GALNT13: variants seen among roughly 807,000 people sequenced by gnomAD.
GALNT13 encodes the protein polypeptide N-acetylgalactosaminyltransferase 13.
A neutral mutation model predicts 64.2 loss-of-function variants in GALNT13; 28 were observed. The ratio of observed to expected loss-of-function variants is 0.44; its 90% confidence interval spans 0.32 to 0.60. The LOEUF (loss-of-function observed/expected upper bound fraction) is 0.60, where lower values mean the gene tolerates loss of function less well. GALNT13 is among the 20% of genes least tolerant of loss of function. The pLI is 0.05. For missense variants in GALNT13, 577 were observed against 669.8 expected, an observed-to-expected ratio of 0.86 and a Z score of 1.53; for synonymous variants, 214 against 224.6, an observed-to-expected ratio of 0.95 and a Z score of 0.42.
At chr2:153,523,043 A>ATTTTTTTT in the GALNT13 span, among the ~76,000 whole-genome samples, 103 of 83,356 alleles carry the variant, frequency 1.2e-3, no homozygotes, top group East Asian at 2.9e-3. Context: ...TGTGTTTACT[A>ATTTTTTTT]TTTTTTTTTT....
At chr2:153,211,300 G>T in the GALNT13 span, among the ~76,000 whole-genome samples, 3 of 151,784 alleles carry the variant, frequency 2.0e-5, no homozygotes, top group Non-Finnish European at 4.4e-5. Context: ...GCACCACCAT[G>T]CCCAACTAAT....
the GALNT13 span, among the ~76,000 whole-genome samples, chr2:153,701,393 T>C: frequency 6.6e-6 from 1 of 152,122 alleles, no homozygotes; most frequent in Non-Finnish European, 1.5e-5. Context: ...ATAAAAACCC[T>C]AGAAGAAAAC....
the GALNT13 span, among the ~76,000 whole-genome samples, chr2:153,751,598 T>C: frequency 6.6e-6 from 1 of 151,958 alleles, no homozygotes; most frequent in Non-Finnish European, 1.5e-5. Flanking sequence ...TCTCTCTTCT[T>C]ACAGTTTTTG....
At chr2:153,101,675 C>T in the GALNT13 span, among the ~76,000 whole-genome samples, 1 of 152,190 alleles carries the variant, frequency 6.6e-6, no homozygotes, top group African/African-American at 2.4e-5. Flanking sequence ...ATTGACCTAC[C>T]TGGCTATCCG....
the GALNT13 span, among the ~76,000 whole-genome samples, chr2:153,084,179 C>T: frequency 2.2e-4 from 33 of 152,114 alleles, no homozygotes; most frequent in African/African-American, 6.5e-4. Context: ...GTGATACCTC[C>T]GGACTTGTTC....
chr2:153,786,989 G>A, the GALNT13 span, among the ~76,000 whole-genome samples: 5 of 152,198 alleles, frequency 3.3e-5, no homozygotes, highest in African/African-American at 1.2e-4. Context: ...CACGCTGAGT[G>A]GTTGCTAACC....
chr2:153,488,772 A>C, the GALNT13 span, among the ~76,000 whole-genome samples: 1 of 152,154 alleles, frequency 6.6e-6, no homozygotes, highest in Non-Finnish European at 1.5e-5. Flanking sequence ...TCCCCTCCAA[A>C]ATTCAGGTGT....
chr2:153,440,043 G>T, the GALNT13 span, among the ~76,000 whole-genome samples: 1 of 152,100 alleles, frequency 6.6e-6, no homozygotes, highest in Non-Finnish European at 1.5e-5. Flanking sequence ...ATGGTGGTTT[G>T]CTGCACCCAT....
chr2:153,257,301 C>A, the GALNT13 span, among the ~76,000 whole-genome samples: 1 of 152,122 alleles, frequency 6.6e-6, no homozygotes, highest in Non-Finnish European at 1.5e-5. Context: ...ATGCCTCGCC[C>A]TGCTTCGGCT....
the GALNT13 span, among the ~76,000 whole-genome samples, chr2:153,514,718 T>G: frequency 6.6e-6 from 1 of 152,164 alleles, no homozygotes; most frequent in Admixed American, 6.5e-5. Context: ...TATGGATTTT[T>G]CAAGGGGTGG....
chr2:153,840,160 TAAAC>T, the GALNT13 span, among the ~76,000 whole-genome samples: 4 of 152,060 alleles, frequency 2.6e-5, no homozygotes, highest in Non-Finnish European at 4.4e-5. Flanking sequence ...AATAGAAAAA[TAAAC>T]AAACTAACAC....
At chr2:154,155,159 C>G (rs1161449594) in intron 4 of GALNT13, among the ~76,000 whole-genome samples, 1 of 151,860 alleles carries the variant, frequency 6.6e-6, no homozygotes, top group Non-Finnish European at 1.5e-5. Flanking sequence ...AAGATGTGTA[C>G]CAGAGATCAG....
chr2:153,220,013 C>T, the GALNT13 span, among the ~76,000 whole-genome samples: 8 of 152,336 alleles, frequency 5.3e-5, no homozygotes, highest in Middle Eastern at 6.8e-3. Context: ...TTCATCCTCG[C>T]TTTTCTTGAC....
At chr2:153,984,029 C>A (rs1694635889) in intron 3 of GALNT13, among the ~76,000 whole-genome samples, 1 of 151,588 alleles carries the variant, frequency 6.6e-6, no homozygotes, top group Non-Finnish European at 1.5e-5. Context: ...ATTTTAAAGT[C>A]TCTTTCTATA....
intron 8 of GALNT13, among the ~76,000 whole-genome samples, chr2:154,289,172 C>T (rs1301138189): frequency 6.6e-6 from 1 of 152,204 alleles, no homozygotes; most frequent in Non-Finnish European, 1.5e-5. Context: ...CTTGCACCCT[C>T]TAAAGCAACA....
chr2:153,649,891 G>A, the GALNT13 span, among the ~76,000 whole-genome samples: 1 of 152,082 alleles, frequency 6.6e-6, no homozygotes, highest in Non-Finnish European at 1.5e-5. Context: ...CCAACTATGT[G>A]GTCAATTTTG....
At chr2:153,654,793 A>G in the GALNT13 span, among the ~76,000 whole-genome samples, 2 of 152,078 alleles carry the variant, frequency 1.3e-5, no homozygotes, top group Non-Finnish European at 2.9e-5. Flanking sequence ...GCCATTTACA[A>G]AAAGAACTTT....
chr2:153,085,007 A>G, the GALNT13 span, among the ~76,000 whole-genome samples: 1 of 152,224 alleles, frequency 6.6e-6, no homozygotes, highest in Non-Finnish European at 1.5e-5. Flanking sequence ...TGATAGTGAC[A>G]TGGACAATTA....
the GALNT13 span, among the ~76,000 whole-genome samples, chr2:153,479,276 A>G: frequency 6.6e-6 from 1 of 152,084 alleles, no homozygotes; most frequent in Non-Finnish European, 1.5e-5. Flanking sequence ...TTTCTAGTGG[A>G]GTGGAGGTGA....
Sources: gnomAD v4.1 joint callset for allele counts (sites outside exome capture counted in the v4.1 genomes callset) on GRCh38, gnomAD v4.1.1 for gene constraint, MANE v1.5 for transcripts, NCBI Gene and HGNC (gene_info 2026-07-23, HGNC 2026-07-21) for gene names.